Variants in HOXA3 observed in about 807,000 individuals in gnomAD.
HOXA3 encodes the protein homeobox A3, also known as homeobox protein Hox-A3.
HOXA3 carries 8 observed loss-of-function variants against 30.3 expected under a neutral mutation model. The observed-to-expected ratio is 0.26, with a 90% CI of 0.15 to 0.48. The LOEUF (loss-of-function observed/expected upper bound fraction) is 0.48. Ranked by LOEUF, HOXA3 falls within the 20% of genes least tolerant of loss-of-function variation. HOXA3 has a pLI of 0.99. For synonymous variants in HOXA3, 323 were observed against 273.1 expected, an observed-to-expected ratio of 1.18 and a Z score of -1.80; for missense variants, 653 against 614.4, an observed-to-expected ratio of 1.06 and a Z score of -0.66.
chr7:27,139,842 G>A (rs1349837650), intron 2 of HOXA3, among the ~76,000 whole-genome samples: 2 of 152,174 alleles, frequency 1.3e-5, no homozygotes, highest in Non-Finnish European at 1.5e-5. Flanking sequence ...TAACATCCGC[G>A]GTTGTGCTGC....
chr7:27,107,832 TAAAAAAAAAAAA>T lies in HOXA3; in HGVS notation c.*71_*82del. The T allele has an allele frequency of 1.8e-6, 1 of 544,944 alleles. No individual in the cohort carries two copies. Among genetic ancestry groups the T allele is most frequent in the Middle Eastern group, 5.2e-4 (1 of 1,918 alleles). The allele number at this position is 544,944 out of a possible 1,614,324, so 33.8% of individuals were successfully genotyped here. A position where few individuals can be genotyped will look rare whatever the true frequency, so the allele number is the denominator to read the frequency against. On this transcript the variant is annotated 3_prime_UTR_variant, in exon 6 of 6. Transcript: ENST00000612286. ...AAGGAAGGAAAGGGCAGGAAGAACC[TAAAAAAAAAAAA>T]AAAAAAAAGCAACCAAAGAAAAAAG...
intron 1 of HOXA3, chr7:27,147,479 A>G (rs745356849): frequency 1.2e-6 from 2 of 1,614,046 alleles, no homozygotes; most frequent in Non-Finnish European, 1.7e-6. Context: ...CCACTGCCCG[A>G]GGGCGAGGCG....
At position 27,145,801 on chromosome 7, in the gene HOXA3, C is replaced by T. The variant is rs373414972; in HGVS notation, c.-493-5615G>A. ...GTGAGGCAGAGCGCGTTGGCGATCT[C>T]GATGCGGCGGCGCCGTGTCAGGTAG... On this transcript the variant is annotated intron_variant, in intron 1 of 5. Coordinates refer to ENST00000612286, the MANE Select transcript of HOXA3 (RefSeq NM_153631.3). 1.6e-4 allele frequency: 260 copies of T among 1,614,150 alleles called. No homozygotes were observed. Among genetic ancestry groups the T allele is most frequent in the Non-Finnish European group, 2.2e-4 (254 of 1,180,054 alleles).
intron 1 of HOXA3, chr7:27,145,827 C>T (rs1354479447): frequency 1.9e-6 from 3 of 1,614,236 alleles, no homozygotes; most frequent in East Asian, 4.5e-5. Flanking sequence ...TGTCAGGTAG[C>T]GGTTGAAGTG....
intron 1 of HOXA3, chr7:27,147,627 C>G: frequency 1.2e-6 from 2 of 1,614,222 alleles, no homozygotes; most frequent in Non-Finnish European, 1.7e-6. Flanking sequence ...ACGCCCCGTA[C>G]GAGGCCGGGA....
chr7:27,147,148 G>A, intron 1 of HOXA3: 1 of 745,122 alleles, frequency 1.3e-6, no homozygotes, highest in Non-Finnish European at 2.1e-6. Context: ...AGCCCCATTG[G>A]GAACTGATTT....
chr7:27,126,431 T>A (rs1187697000), intron 3 of HOXA3, among the ~76,000 whole-genome samples: 1 of 147,900 alleles, frequency 6.8e-6, no homozygotes, highest in African/African-American at 2.6e-5. Flanking sequence ...GAGGGGCCAG[T>A]AGGGTTTGCT....
At position 27,108,519 on chromosome 7, in the gene HOXA3, C is replaced by A; in HGVS notation, c.728G>T (p.Arg243Leu). 1 of 1,614,094 alleles carries A rather than the reference C, an allele frequency of 6.2e-7. No homozygotes were observed. The highest frequency in any genetic ancestry group is 8.5e-7 in the Non-Finnish European group (1 of 1,179,988). The change falls in exon 6 of 6, where the codon CGC becomes CTC. Residue 243 changes from arginine to leucine, a missense_variant. Arg to Leu is a moderately radical substitution (Grantham distance 102, BLOSUM62 -2). Coordinates refer to ENST00000612286, the MANE Select transcript of HOXA3 (RefSeq NM_153631.3). This position sits in a 1 kb window ranked among gnomAD's most constrained non-coding sequence, Gnocchi z 5.0. Reference protein sequence around the residue: ...RQIKIWFQNRRMKYKKDQKGK... With the variant: ...RQIKIWFQNRLMKYKKDQKGK... ...CTTCTGATCCTTTTTGTACTTCATG[C>A]GGCGATTCTGGAACCAGATCTTGAT... is the stretch of plus-strand genomic sequence containing the variant.
In HOXA3 at chr7:27,108,060, A is replaced by C. The variant is rs1188965898; in HGVS notation, c.1187T>G (p.Met396Arg). 6 of 1,612,972 alleles carry C rather than the reference A, an allele frequency of 3.7e-6. No individual in the cohort carries two copies. Among genetic ancestry groups the C allele is most frequent in the Non-Finnish European group, 5.1e-6 (6 of 1,179,322 alleles). ...CAGCGGCCCGGCACCCCCATAGTCCATGGCGCCCGAGGCAGCGTGGGGGAG... is the reference window on the plus strand; with the variant it reads ...CAGCGGCCCGGCACCCCCATAGTCCCTGGCGCCCGAGGCAGCGTGGGGGAG... Reference protein sequence around the residue: ...THLPHAASGAMDYGGAGPLGS... With the variant: ...THLPHAASGARDYGGAGPLGS... The change falls in exon 6 of 6, where the codon ATG (methionine) becomes AGG (arginine). Residue 396 changes from methionine to arginine, a missense_variant. Met to Arg is a moderately conservative substitution (Grantham distance 91). Coordinates refer to ENST00000612286, the MANE Select transcript of HOXA3 (RefSeq NM_153631.3). The surrounding 1 kb of genome is among the most constrained non-coding windows in gnomAD (Gnocchi z 5.0).
At chr7:27,133,649 T>C (rs1027072686) in intron 2 of HOXA3, among the ~76,000 whole-genome samples, 5 of 151,910 alleles carry the variant, frequency 3.3e-5, no homozygotes, top group Non-Finnish European at 7.4e-5. Context: ...TGGAGAAGAG[T>C]GAAGGGAGTC....
intron 4 of HOXA3, among the ~76,000 whole-genome samples, chr7:27,117,538 G>A (rs1784786588): frequency 1.3e-5 from 2 of 152,150 alleles, no homozygotes; most frequent in Non-Finnish European, 2.9e-5. Context: ...AGATCCTTGG[G>A]TCTGGCTTCT....
chr7:27,139,846 G>T (rs1300954671), intron 2 of HOXA3, among the ~76,000 whole-genome samples: 31 of 152,202 alleles, frequency 2.0e-4, no homozygotes, highest in Admixed American at 2.0e-3. Flanking sequence ...ATCCGCGGTT[G>T]TGCTGCAATT....
At chr7:27,130,006 G>A in intron 2 of HOXA3, 2 of 1,271,178 alleles carry the variant, frequency 1.6e-6, no homozygotes, top group East Asian at 2.7e-5. Context: ...GGTCAGATGG[G>A]GGCTCCCCTC....
intron 1 of HOXA3, chr7:27,141,876 T>G: frequency 6.2e-7 from 1 of 1,614,232 alleles, no homozygotes. Flanking sequence ...ATGCTCATGC[T>G]TTTCAGCTTA....
Position 27,110,519 on chromosome 7 carries a change from G to C in HOXA3, c.122C>G (p.Ala41Gly), listed in dbSNP as rs757393983. The stretch of plus-strand genomic sequence containing the variant: ...GGCGGGTCGGTGGTACTCGCCGTCG[G>C]CGCCCAAAGCGGCGGACGCCGGGTA... ...QPYPASAALG[A>G]DGEYHRPACS... The change falls in exon 5 of 6, where the codon GCC becomes GGC. Residue 41 changes from alanine (A) to glycine (G), a missense_variant. Transcript: ENST00000612286. 6.2e-7 allele frequency: 1 copy of C among 1,606,226 alleles called. No individual in the cohort carries two copies. Among genetic ancestry groups the C allele is most frequent in the Non-Finnish European group, 8.5e-7 (1 of 1,174,544 alleles).
rs1346347186 is a variant in HOXA3, at chr7:27,122,658, C to G, written c.-204-16G>C. 1 of 152,202 alleles carries G rather than the reference C, an allele frequency of 6.6e-6. No homozygotes were observed. The highest frequency in any genetic ancestry group is 1.9e-4 in the East Asian group (1 of 5,184). The allele number at this position is 152,202 out of a possible 1,614,324, so 9.4% of individuals were successfully genotyped here. A position where few individuals can be genotyped will look rare whatever the true frequency, so the allele number is the denominator to read the frequency against. On this transcript the variant is annotated splice_polypyrimidine_tract_variant and intron_variant, in intron 3 of 5. Coordinates refer to ENST00000612286, the MANE Select transcript of HOXA3 (RefSeq NM_153631.3). The stretch of plus-strand genomic sequence containing the variant: ...TCCAGGCGCTCTGCAGACAAATAAA[C>G]AGCAGAAGGTGAATGGCGGCTGCGA...
chr7:27,118,329 G>GA (rs1455256700), intron 4 of HOXA3, among the ~76,000 whole-genome samples: 3 of 152,178 alleles, frequency 2.0e-5, no homozygotes, highest in African/African-American at 7.2e-5. Flanking sequence ...AGAGAATCTA[G>GA]AAAACGTAAT....
At chr7:27,131,928 G>A (rs1024345925) in intron 2 of HOXA3, among the ~76,000 whole-genome samples, 1 of 152,236 alleles carries the variant, frequency 6.6e-6, no homozygotes, top group Non-Finnish European at 1.5e-5. Context: ...GATATCAGAA[G>A]CTCCGGAAAG....
intron 4 of HOXA3, among the ~76,000 whole-genome samples, chr7:27,118,015 G>C (rs570487087): frequency 6.6e-6 from 1 of 152,270 alleles, no homozygotes; most frequent in African/African-American, 2.4e-5. Flanking sequence ...TCTTTCAAAT[G>C]GTTTCGGTTC....
Sources: allele counts gnomAD v4.1 joint callset (sites outside exome capture counted in the v4.1 genomes callset), GRCh38; gene constraint gnomAD v4.1.1; non-coding constraint Gnocchi (gnomAD v3.1); transcripts MANE v1.5; gene names NCBI Gene and HGNC (gene_info 2026-07-23, HGNC 2026-07-21).